MTMR7: variants seen among roughly 807,000 people sequenced by gnomAD.
The protein encoded by MTMR7 is phosphatidylinositol-3-phosphate phosphatase MTMR7.
Under a neutral mutation model 81.2 loss-of-function variants are expected in MTMR7, and 76 were observed. The observed-to-expected ratio is 0.94, with a 90% CI of 0.78 to 1.13. The LOEUF is 1.13. Ranked by LOEUF, MTMR7 falls within the 50% of genes most tolerant of loss-of-function variation. MTMR7 has a pLI of 0.00. For missense variants in MTMR7, 1,044 were observed against 820.0 expected (o/e 1.27, Z -3.34); for synonymous variants, 372 against 289.8 (o/e 1.28, Z -2.88).
intron 7 of MTMR7, among the ~76,000 whole-genome samples, chr8:17,329,986 C>T (rs1818912628): frequency 6.6e-6 from 1 of 152,186 alleles, no homozygotes; most frequent in African/African-American, 2.4e-5. Context: ...CAAACTGTCA[C>T]AGCTGGAAGA....
chr8:17,351,185 A>C (rs1245410298), intron 4 of MTMR7, among the ~76,000 whole-genome samples: 1 of 152,254 alleles, frequency 6.6e-6, no homozygotes, highest in Non-Finnish European at 1.5e-5. Flanking sequence ...CAAGTTGGGA[A>C]TTACCTACAT....
chr8:17,321,372 C>G (rs531802242), intron 7 of MTMR7, among the ~76,000 whole-genome samples: 8 of 152,232 alleles, frequency 5.3e-5, no homozygotes, highest in African/African-American at 1.9e-4. Flanking sequence ...ACCATGTCAG[C>G]ACTAACAAGG....
intron 1 of MTMR7, among the ~76,000 whole-genome samples, chr8:17,395,605 A>G (rs115218222): frequency 0.01 from 1,564 of 152,266 alleles, 27 homozygotes; most frequent in African/African-American, 0.036. Context: ...TTTCTTTTTA[A>G]GTAATAGTCA....
intron 1 of MTMR7, among the ~76,000 whole-genome samples, chr8:17,386,479 C>A (rs1347013758): frequency 4.6e-5 from 7 of 152,228 alleles, no homozygotes; most frequent in Admixed American, 3.3e-4. Flanking sequence ...ACAGAAATCT[C>A]AACCTCATAT....
At chr8:17,387,103 G>A (rs1820969377) in intron 1 of MTMR7, among the ~76,000 whole-genome samples, 1 of 152,214 alleles carries the variant, frequency 6.6e-6, no homozygotes, top group Admixed American at 6.5e-5. Flanking sequence ...TCCCAAAGCA[G>A]TCACCAGTCT....
chr8:17,304,256 G>T, intron 12 of MTMR7, 123 bp downstream of exon 12: 2 of 1,055,972 alleles, frequency 1.9e-6, no homozygotes, highest in Non-Finnish European at 2.6e-6. Flanking sequence ...ATCTCCCTCT[G>T]GTGTCTTTTG....
chr8:17,358,374 G>C (rs1317839224), intron 4 of MTMR7, among the ~76,000 whole-genome samples: 1 of 152,154 alleles, frequency 6.6e-6, no homozygotes, highest in East Asian at 1.9e-4. Flanking sequence ...ATCATTACGT[G>C]CTAAGCAGAG....
At chr8:17,334,485 T>C (rs1819160879) in intron 6 of MTMR7, among the ~76,000 whole-genome samples, 1 of 152,216 alleles carries the variant, frequency 6.6e-6, no homozygotes, top group South Asian at 2.1e-4. Context: ...TCAGTTCCAA[T>C]TCATGTTTAA....
chr8:17,330,690 G>A (rs958267011), intron 7 of MTMR7, among the ~76,000 whole-genome samples: 8 of 152,298 alleles, frequency 5.3e-5, no homozygotes, highest in African/African-American at 1.9e-4. Flanking sequence ...ACATGCATGT[G>A]TATTGTGGTG....
At chr8:17,350,498 C>G (rs1819696752) in intron 4 of MTMR7, among the ~76,000 whole-genome samples, 1 of 152,174 alleles carries the variant, frequency 6.6e-6, no homozygotes, top group African/African-American at 2.4e-5. Flanking sequence ...ATGGGAAAGA[C>G]CAGCTCCCAT....
At chr8:17,353,953 G>C (rs748023892) in intron 4 of MTMR7, among the ~76,000 whole-genome samples, 1 of 152,194 alleles carries the variant, frequency 6.6e-6, no homozygotes, top group East Asian at 1.9e-4. Flanking sequence ...AAATGAGTAA[G>C]AGTTTTTGGC....
At chr8:17,369,641 CTTTTTTTTTT>C (rs71212689) in intron 3 of MTMR7, among the ~76,000 whole-genome samples, 7 of 106,246 alleles carry the variant, frequency 6.6e-5, no homozygotes, top group South Asian at 7.0e-4. Context: ...TTCTTTTTTT[CTTTTTTTTTT>C]TTTTTTTTTT....
intron 1 of MTMR7, among the ~76,000 whole-genome samples, chr8:17,379,098 T>C (rs1820683121): frequency 6.6e-6 from 1 of 151,928 alleles, no homozygotes; most frequent in African/African-American, 2.4e-5. Flanking sequence ...GAGATAATAT[T>C]TTAAGAGAGA....
intron 7 of MTMR7, among the ~76,000 whole-genome samples, chr8:17,328,063 A>G (rs576590292): frequency 6.6e-6 from 1 of 152,328 alleles, no homozygotes; most frequent in South Asian, 2.1e-4. Context: ...GACCAACAGT[A>G]TTAATCTAAC....
At chr8:17,408,831 C>A (rs180943618) in intron 1 of MTMR7, among the ~76,000 whole-genome samples, 2 of 152,244 alleles carry the variant, frequency 1.3e-5, no homozygotes, top group East Asian at 1.9e-4. Flanking sequence ...AGTTTAACTA[C>A]TAATGGGCTA....
At chr8:17,364,382 G>C (rs1025115415) in intron 3 of MTMR7, among the ~76,000 whole-genome samples, 1 of 152,196 alleles carries the variant, frequency 6.6e-6, no homozygotes, top group Admixed American at 6.5e-5. Flanking sequence ...ATTAATTCAA[G>C]CTAATTAACA....
At chr8:17,359,949 C>G (rs923505656) in intron 4 of MTMR7, among the ~76,000 whole-genome samples, 1 of 151,996 alleles carries the variant, frequency 6.6e-6, no homozygotes, top group Admixed American at 6.6e-5. Flanking sequence ...TATTAAAATG[C>G]TATCTTTTAA....
At position 17,393,539 on chromosome 8, in the gene MTMR7, C is replaced by G. The variant is rs534936441; in HGVS notation, c.24+19730G>C. 3.9e-5 allele frequency among the ~76,000 whole-genome samples: 6 copies of G among 152,186 alleles called. No homozygotes were observed. The South Asian group carries it at 1.2e-3, about 32-fold the overall frequency. ...AGCTCAACATTAAAAAGACAGATAA[C>G]CCAATTTAAAAAACAAACAGGAGCT... On this transcript the variant is annotated intron_variant, in intron 1 of 13. Transcript: ENST00000180173.
At chr8:17,346,308 G>T (rs1451934708) in intron 5 of MTMR7, 1 of 152,174 alleles carries the variant, frequency 6.6e-6, no homozygotes, top group Admixed American at 6.5e-5. Flanking sequence ...TGCTCACTCG[G>T]GACTTCCCTG....
Sources: allele counts gnomAD v4.1 joint callset (sites outside exome capture counted in the v4.1 genomes callset), GRCh38; gene constraint gnomAD v4.1.1; transcripts MANE v1.5; gene names NCBI Gene and HGNC (gene_info 2026-07-23, HGNC 2026-07-21).